Variants in PCDH15 observed in about 807,000 individuals in gnomAD.
PCDH15 encodes protocadherin related 15, also known as protocadherin-15.
In PCDH15, 129 loss-of-function variants were observed where a neutral mutation model predicts 178.5. The ratio of observed to expected loss-of-function variants is 0.72; its 90% CI spans 0.63 to 0.84. The LOEUF is 0.84. Ranked by LOEUF, PCDH15 falls within the 40% of genes least tolerant of loss-of-function variation. The pLI, the probability that PCDH15 is intolerant of heterozygous loss-of-function variation, is 0.00. For missense variants in PCDH15, 2,230 were observed against 2,099.9 expected, an observed-to-expected ratio of 1.06 and a Z score of -1.21; for synonymous variants, 800 against 732.0, an observed-to-expected ratio of 1.09 and a Z score of -1.50.
At chr10:54,168,523 C>G (rs1173998954) in intron 13 of PCDH15, among the ~76,000 whole-genome samples, 14 of 152,196 alleles carry the variant, frequency 9.2e-5, no homozygotes, top group Admixed American at 9.2e-4. Flanking sequence ...CCTCCTCACA[C>G]CTGGTCGGGC....
At chr10:54,950,488 C>G (rs1465151028) in intron 2 of PCDH15, among the ~76,000 whole-genome samples, 1 of 152,034 alleles carries the variant, frequency 6.6e-6, no homozygotes, top group Non-Finnish European at 1.5e-5. Context: ...TGCCTGCTGC[C>G]ATCCACGTAA....
chr10:55,093,249 T>C (rs986123326), intron 2 of PCDH15, among the ~76,000 whole-genome samples: 2 of 152,122 alleles, frequency 1.3e-5, no homozygotes, highest in African/African-American at 4.8e-5. Context: ...ATGTAATTTA[T>C]GTGATGAACC....
At chr10:54,339,770 C>T (rs1935474) in intron 6 of PCDH15, among the ~76,000 whole-genome samples, 38,802 of 152,032 alleles carry the variant, frequency 0.26, 5,469 homozygotes, top group African/African-American at 0.38. Flanking sequence ...ATCTTGAAAA[C>T]TCATCAGGTT....
intron 3 of PCDH15, among the ~76,000 whole-genome samples, chr10:54,517,007 T>A (rs1339520181): frequency 1.3e-5 from 2 of 151,912 alleles, no homozygotes; most frequent in African/African-American, 4.8e-5. Context: ...GACAAGCAAA[T>A]GCTGAGAGAT....
At chr10:55,484,676 C>A (rs189118206) in intron 2 of PCDH15, among the ~76,000 whole-genome samples, 4 of 151,844 alleles carry the variant, frequency 2.6e-5, no homozygotes, top group Non-Finnish European at 5.9e-5. Flanking sequence ...CAGCAAGTTA[C>A]TGGCATAAAA....
intron 8 of PCDH15, among the ~76,000 whole-genome samples, chr10:54,288,173 T>C (rs2059157283): frequency 6.6e-6 from 1 of 151,794 alleles, no homozygotes; most frequent in Non-Finnish European, 1.5e-5. Flanking sequence ...AACACAAAAA[T>C]TAGCCAGGCA....
chr10:54,095,021 G>A (rs112885047), intron 15 of PCDH15, among the ~76,000 whole-genome samples: 245 of 152,186 alleles, frequency 1.6e-3, no homozygotes, highest in African/African-American at 5.3e-3. Flanking sequence ...ATCAAATACC[G>A]TCTGATAGAG....
intron 1 of PCDH15, among the ~76,000 whole-genome samples, chr10:55,206,957 T>G (rs1840419402): frequency 6.6e-6 from 1 of 151,948 alleles, no homozygotes; most frequent in Non-Finnish European, 1.5e-5. Context: ...TTTGATAGAG[T>G]TAGTCGGGTT....
intron 1 of PCDH15, among the ~76,000 whole-genome samples, chr10:54,780,306 A>G (rs757354945): frequency 2.0e-5 from 3 of 152,158 alleles, no homozygotes; most frequent in Non-Finnish European, 4.4e-5. Context: ...TATCAGTCTG[A>G]GCTTACATTA....
At chr10:54,814,060 A>T (rs2133732662) in intron 3 of PCDH15, among the ~76,000 whole-genome samples, 1 of 152,318 alleles carries the variant, frequency 6.6e-6, no homozygotes, top group South Asian at 2.1e-4. Context: ...CACATATATT[A>T]TGCCAGCTAA....
chr10:54,655,458 TG>T, intron 2 of PCDH15: 1 of 152,230 alleles, frequency 6.6e-6, no homozygotes, highest in Admixed American at 6.6e-5. Flanking sequence ...TGTGTGTGTG[TG>T]TGTGTGTGTG....
chr10:55,364,336 C>G (rs572387403), intron 2 of PCDH15, among the ~76,000 whole-genome samples: 34 of 152,278 alleles, frequency 2.2e-4, no homozygotes, highest in Middle Eastern at 3.4e-3. Context: ...TAAGTCATTA[C>G]ATATTCTTTT....
intron 26 of PCDH15, among the ~76,000 whole-genome samples, chr10:53,869,846 T>G (rs1471058556): frequency 6.6e-6 from 1 of 152,186 alleles, no homozygotes; most frequent in Non-Finnish European, 1.5e-5. Context: ...TGAGACCTTC[T>G]TAAGGAAAAC....
intron 15 of PCDH15, among the ~76,000 whole-genome samples, chr10:54,124,162 A>C (rs2041797878): frequency 6.6e-6 from 1 of 151,592 alleles, no homozygotes. Flanking sequence ...CTAAATAAAA[A>C]CGGAAAAATA....
At chr10:55,223,857 G>A (rs1840952786) in intron 1 of PCDH15, among the ~76,000 whole-genome samples, 1 of 152,104 alleles carries the variant, frequency 6.6e-6, no homozygotes, top group East Asian at 1.9e-4. Flanking sequence ...CCTTGATAAA[G>A]TTTCCCCTAT....
intron 2 of PCDH15, among the ~76,000 whole-genome samples, chr10:55,362,675 T>C (rs1262262446): frequency 2.0e-5 from 3 of 152,144 alleles, no homozygotes; most frequent in African/African-American, 7.2e-5. Flanking sequence ...CATGCATGTG[T>C]GCATGTTTAG....
chr10:54,434,260 A>G (rs1378199980), intron 3 of PCDH15, among the ~76,000 whole-genome samples: 1 of 152,190 alleles, frequency 6.6e-6, no homozygotes, highest in Non-Finnish European at 1.5e-5. Flanking sequence ...AAATTAATAA[A>G]TTTATTGTGA....
At chr10:55,231,948 TG>T (rs1841239686) in intron 1 of PCDH15, among the ~76,000 whole-genome samples, 1 of 152,058 alleles carries the variant, frequency 6.6e-6, no homozygotes, top group Non-Finnish European at 1.5e-5. Flanking sequence ...ATATTTCCAT[TG>T]TTTGGACAAT....
At chr10:54,908,653 T>G (rs1165383196) in intron 2 of PCDH15, among the ~76,000 whole-genome samples, 1 of 152,288 alleles carries the variant, frequency 6.6e-6, no homozygotes, top group East Asian at 1.9e-4. Context: ...TGCAGACAAG[T>G]GGAGCTTTAT....
Sources: gnomAD v4.1 joint callset for allele counts (sites outside exome capture counted in the v4.1 genomes callset) on GRCh38, gnomAD v4.1.1 for gene constraint, MANE v1.5 for transcripts, NCBI Gene and HGNC (gene_info 2026-07-23, HGNC 2026-07-21) for gene names.